Variants in SND1 observed in about 807,000 individuals in gnomAD.
The protein encoded by SND1 is staphylococcal nuclease domain-containing protein 1.
A neutral mutation model predicts 121.7 loss-of-function variants in SND1; 38 were observed. That is an observed-to-expected ratio of 0.31 (90% CI 0.24 to 0.41). The LOEUF (loss-of-function observed/expected upper bound fraction) is 0.41. Among genes scored for constraint, SND1 ranks in the 10% least tolerant of loss-of-function variants. The pLI is 1.00. For missense variants in SND1, 868 were observed against 1,184.6 expected, an observed-to-expected ratio of 0.73 and a Z score of 3.92; for synonymous variants, 401 against 447.4, an observed-to-expected ratio of 0.90 and a Z score of 1.31.
At chr7:127,732,778 G>A (rs1796702586) in intron 10 of SND1, among the ~76,000 whole-genome samples, 1 of 152,178 alleles carries the variant, frequency 6.6e-6, no homozygotes, top group African/African-American at 2.4e-5. Context: ...ATCTTAATTG[G>A]TAAAATCTCT....
intron 12 of SND1, among the ~76,000 whole-genome samples, chr7:127,873,785 A>T (rs955543422): frequency 1.3e-5 from 2 of 152,194 alleles, no homozygotes; most frequent in Non-Finnish European, 2.9e-5. Context: ...AGTTGGGACT[A>T]TAGGCACATG....
rs1387366699 is a variant in SND1 at position 127,994,572 on chromosome 7, AAAAAAAAAAAAAAC to A, written c.1779+3518_1779+3531del. The stretch of plus-strand genomic sequence containing the variant: ...CTCAAAAAAAAAAAAAAAAAAAAAA[AAAAAAAAAAAAAAC>A]AGTAAATTCAGTCTTTCTTTCTAGC... On this transcript the variant is annotated intron_variant, in intron 16 of 23. Transcript: ENST00000354725. 4.3e-5 allele frequency among the ~76,000 whole-genome samples: 6 copies of A among 138,820 alleles called. No individual in the cohort carries two copies. The East Asian group carries it at 6.3e-4, about 15-fold the overall frequency. 91.1% of individuals were successfully genotyped at this position (138,820 alleles called of 152,430 possible). A position where few individuals can be genotyped will look rare whatever the true frequency, so the allele number is the denominator to read the frequency against.
At chr7:127,702,586 T>G (rs1256884243) in intron 6 of SND1, 60 bp downstream of exon 6, 1 of 1,348,040 alleles carries the variant, frequency 7.4e-7, no homozygotes, top group African/African-American at 1.4e-5. Context: ...CAGTGATGGA[T>G]TCTTCTACTT....
intron 16 of SND1, among the ~76,000 whole-genome samples, chr7:128,016,984 T>G (rs1803238890): frequency 6.6e-6 from 1 of 152,248 alleles, no homozygotes; most frequent in East Asian, 1.9e-4. Flanking sequence ...GGACCTGAAC[T>G]GACAATATTT....
chr7:127,753,190 A>C (rs1797133107), intron 10 of SND1, among the ~76,000 whole-genome samples: 1 of 152,080 alleles, frequency 6.6e-6, no homozygotes, highest in Non-Finnish European at 1.5e-5. Context: ...GTCTTGTTTG[A>C]CTCAGAGTTT....
chr7:128,073,258 T>G (rs1371737059), intron 16 of SND1, among the ~76,000 whole-genome samples: 10 of 152,222 alleles, frequency 6.6e-5, no homozygotes, highest in Admixed American at 6.5e-4. Flanking sequence ...GACCTATATG[T>G]TCTCCATTAT....
intron 16 of SND1, among the ~76,000 whole-genome samples, chr7:128,051,172 T>A (rs558271458): frequency 1.3e-4 from 20 of 152,286 alleles, no homozygotes; most frequent in Middle Eastern, 6.8e-3. Flanking sequence ...ACCAAATCCT[T>A]CCCATGGGGT....
chr7:127,955,927 C>A (rs576557514), intron 15 of SND1, among the ~76,000 whole-genome samples: 36 of 152,250 alleles, frequency 2.4e-4, no homozygotes, highest in African/African-American at 8.7e-4. Context: ...CACATTCCCC[C>A]ACCATCCGCT....
intron 12 of SND1, among the ~76,000 whole-genome samples, chr7:127,854,642 ATTAT>A (rs549092526): frequency 7.9e-4 from 119 of 151,578 alleles, no homozygotes; most frequent in Non-Finnish European, 1.2e-3. Flanking sequence ...ACTAATAAGC[ATTAT>A]TTATTTATTT....
At chr7:127,838,572 C>G (rs549874969) in intron 11 of SND1, among the ~76,000 whole-genome samples, 2 of 152,204 alleles carry the variant, frequency 1.3e-5, no homozygotes, top group African/African-American at 4.8e-5. Flanking sequence ...ATAAAATATC[C>G]AATAACTGGT....
At chr7:127,745,286 A>G (rs535863258) in intron 10 of SND1, among the ~76,000 whole-genome samples, 2 of 152,328 alleles carry the variant, frequency 1.3e-5, no homozygotes, top group South Asian at 2.1e-4. Context: ...TGAATACTGT[A>G]GGCAGTTGTA....
At chr7:127,858,631 C>T in intron 12 of SND1, 1 of 282,276 alleles carries the variant, frequency 3.5e-6, no homozygotes, top group East Asian at 7.5e-5. Flanking sequence ...CACTCTCCTG[C>T]TCCTGTGATG....
intron 16 of SND1, among the ~76,000 whole-genome samples, chr7:128,022,125 A>C (rs1008749049): frequency 1.5e-4 from 22 of 150,522 alleles, no homozygotes; most frequent in African/African-American, 5.4e-4. Context: ...GAATCGCTTG[A>C]ACCCGGGAGG....
intron 10 of SND1, among the ~76,000 whole-genome samples, chr7:127,725,902 A>C: frequency 6.6e-6 from 1 of 152,200 alleles, no homozygotes; most frequent in East Asian, 1.9e-4. Context: ...ATGAGGACTC[A>C]ATGGGACTTT....
intron 10 of SND1, among the ~76,000 whole-genome samples, chr7:127,722,438 C>G (rs1372025134): frequency 1.3e-5 from 2 of 151,948 alleles, no homozygotes; most frequent in East Asian, 3.9e-4. Context: ...TCTGTCTCAG[C>G]CTCCTGAGTA....
chr7:127,891,979 A>G (rs1800017074), intron 13 of SND1, among the ~76,000 whole-genome samples: 1 of 152,116 alleles, frequency 6.6e-6, no homozygotes, highest in Admixed American at 6.6e-5. Context: ...GTGGCAAGGC[A>G]TCATTCTGCT....
chr7:127,852,240 A>G (rs1025803934), intron 12 of SND1, among the ~76,000 whole-genome samples: 1 of 151,988 alleles, frequency 6.6e-6, no homozygotes, highest in East Asian at 1.9e-4. Context: ...CACGTCTGTA[A>G]TCCCAGCACT....
At chr7:127,703,093 C>T (rs780113858) in intron 6 of SND1, 72 bp from the exon 7 acceptor site, 1 of 1,556,564 alleles carries the variant, frequency 6.4e-7, no homozygotes, top group South Asian at 1.1e-5. Context: ...TTTTGGAAGG[C>T]TTAGTGTGGG....
chr7:128,090,421 C>G (rs1793757741), intron 22 of SND1, among the ~76,000 whole-genome samples: 1 of 152,210 alleles, frequency 6.6e-6, no homozygotes, highest in African/African-American at 2.4e-5. Context: ...CACCAAGCAG[C>G]CACTGAGGCC....
Sources: allele counts gnomAD v4.1 joint callset (sites outside exome capture counted in the v4.1 genomes callset), GRCh38; gene constraint gnomAD v4.1.1; transcripts MANE v1.5; gene names NCBI Gene and HGNC (gene_info 2026-07-23, HGNC 2026-07-21).